Variants in CSTPP1 observed in about 807,000 individuals in gnomAD.
CSTPP1 encodes centriolar satellite-associated tubulin polyglutamylase complex regulator 1.
the CSTPP1 span, among the ~76,000 whole-genome samples, chr11:46,968,574 T>C: frequency 6.6e-6 from 1 of 151,714 alleles, no homozygotes; most frequent in South Asian, 2.1e-4. Flanking sequence ...TTTTTTAGTA[T>C]CTAATCTTGA....
chr11:46,991,833 C>T, the CSTPP1 span, among the ~76,000 whole-genome samples: 6 of 152,106 alleles, frequency 3.9e-5, no homozygotes, highest in East Asian at 3.9e-4. Context: ...CTCCGTCTCC[C>T]GGGTTCAAGA....
the CSTPP1 span, among the ~76,000 whole-genome samples, chr11:46,988,104 CT>C: frequency 6.6e-6 from 1 of 152,164 alleles, no homozygotes; most frequent in Non-Finnish European, 1.5e-5. Flanking sequence ...CCCTTCTACA[CT>C]GTTGATGGGG....
chr11:47,155,140 C>T, the CSTPP1 span: 1 of 1,544,246 alleles, frequency 6.5e-7, no homozygotes, highest in Non-Finnish European at 9.0e-7. Context: ...AACCTCTCCC[C>T]CATTCTCTCT....
chr11:47,042,345 GTTT>G, the CSTPP1 span, among the ~76,000 whole-genome samples: 2 of 131,896 alleles, frequency 1.5e-5, no homozygotes, highest in Non-Finnish European at 1.7e-5. Flanking sequence ...TTTGACTTCT[GTTT>G]TTTTTTTTTT....
chr11:46,980,365 A>T, the CSTPP1 span, among the ~76,000 whole-genome samples: 3 of 152,220 alleles, frequency 2.0e-5, no homozygotes, highest in African/African-American at 4.8e-5. Flanking sequence ...GACTAGCCGT[A>T]TAGCAGGACT....
the CSTPP1 span, among the ~76,000 whole-genome samples, chr11:47,128,262 G>A: frequency 6.6e-6 from 1 of 152,164 alleles, no homozygotes; most frequent in Non-Finnish European, 1.5e-5. Context: ...AGAGTTTTAA[G>A]GTAGCACCTC....
the CSTPP1 span, among the ~76,000 whole-genome samples, chr11:47,063,806 T>C: frequency 4.8e-4 from 73 of 152,340 alleles, 1 homozygote; most frequent in Admixed American, 4.0e-3. Context: ...AATATCTTTC[T>C]AGTCCCTGCT....
chr11:47,077,832 A>C, the CSTPP1 span, among the ~76,000 whole-genome samples: 1 of 152,188 alleles, frequency 6.6e-6, no homozygotes, highest in African/African-American at 2.4e-5. Flanking sequence ...AAATTGTCCA[A>C]CCTTCAGTTG....
the CSTPP1 span, among the ~76,000 whole-genome samples, chr11:47,014,385 GA>G: frequency 0.52 from 76,444 of 147,606 alleles, 23,184 homozygotes; most frequent in Non-Finnish European, 0.68. Flanking sequence ...GAAAGAAAAA[GA>G]AAAAAAAAAG....
chr11:47,001,566 G>A, the CSTPP1 span, among the ~76,000 whole-genome samples: 4 of 150,166 alleles, frequency 2.7e-5, no homozygotes, highest in Admixed American at 6.6e-5. Flanking sequence ...TGTGTAGAAC[G>A]TGCAGGTTTG....
chr11:47,021,083 G>A, the CSTPP1 span, among the ~76,000 whole-genome samples: 2 of 152,320 alleles, frequency 1.3e-5, no homozygotes, highest in African/African-American at 4.8e-5. Context: ...TTTCTGGCAA[G>A]AGCTTACTAC....
the CSTPP1 span, chr11:47,161,624 G>A: frequency 5.0e-6 from 8 of 1,613,050 alleles, no homozygotes; most frequent in Admixed American, 1.7e-5. Context: ...AGAGACAGAC[G>A]AGTCGGAGAC....
chr11:47,162,069 C>A, the CSTPP1 span: 1 of 989,214 alleles, frequency 1.0e-6, no homozygotes, highest in Non-Finnish European at 1.2e-6. Context: ...ACCTGCGACG[C>A]AAGTACCAGG....
At chr11:47,058,503 G>C in the CSTPP1 span, among the ~76,000 whole-genome samples, 1 of 152,210 alleles carries the variant, frequency 6.6e-6, no homozygotes, top group East Asian at 1.9e-4. Context: ...ATATGCTTAA[G>C]TATGTAAAGA....
the CSTPP1 span, among the ~76,000 whole-genome samples, chr11:46,974,565 G>C: frequency 3.3e-5 from 5 of 151,596 alleles, no homozygotes; most frequent in Admixed American, 2.0e-4. Flanking sequence ...AACAGGCCAG[G>C]CATGGTGACT....
chr11:47,163,171 C>G, the CSTPP1 span, among the ~76,000 whole-genome samples: 1 of 115,942 alleles, frequency 8.6e-6, no homozygotes, highest in African/African-American at 3.1e-5. Flanking sequence ...ATGAGACCAT[C>G]TTAAAAAAAA....
chr11:46,988,056 G>C, the CSTPP1 span, among the ~76,000 whole-genome samples: 2 of 151,856 alleles, frequency 1.3e-5, no homozygotes, highest in Non-Finnish European at 2.9e-5. Flanking sequence ...CTAAAGACAG[G>C]CAATAACAAA....
chr11:46,958,292 G>T, the CSTPP1 span, among the ~76,000 whole-genome samples: 4 of 151,136 alleles, frequency 2.6e-5, no homozygotes, highest in African/African-American at 4.9e-5. Context: ...GAGCCACCAC[G>T]CCTGGCCCCA....
chr11:47,124,036 T>C, the CSTPP1 span, among the ~76,000 whole-genome samples: 2 of 150,830 alleles, frequency 1.3e-5, no homozygotes, highest in Non-Finnish European at 2.9e-5. Context: ...AATCCTAGAA[T>C]GTTAAACCCA....
Sources: gnomAD v4.1 joint callset for allele counts (sites outside exome capture counted in the v4.1 genomes callset) on GRCh38, gnomAD v4.1.1 for gene constraint, MANE v1.5 for transcripts, NCBI Gene and HGNC (gene_info 2026-07-23, HGNC 2026-07-21) for gene names.